PTCHD4: variants seen among roughly 807,000 people sequenced by gnomAD.
PTCHD4 encodes patched domain-containing protein 4.
PTCHD4 carries 33 observed loss-of-function variants against 58.1 expected under a neutral mutation model. That is an observed-to-expected ratio of 0.57 (90% CI 0.43 to 0.76). PTCHD4 has a LOEUF of 0.76. Ranked by LOEUF, PTCHD4 falls within the 30% of genes least tolerant of loss-of-function variation. PTCHD4 has a pLI of 0.00. For synonymous variants in PTCHD4, 478 were observed against 409.6 expected (o/e 1.17, Z -2.02); for missense variants, 1,058 against 1,027.1 (o/e 1.03, Z -0.41).
intron 1 of PTCHD4, among the ~76,000 whole-genome samples, chr6:48,105,126 C>T (rs1298939295): frequency 2.0e-5 from 3 of 152,140 alleles, no homozygotes; most frequent in Admixed American, 2.0e-4. Context: ...CAGAACTCTC[C>T]ACCCCAAATC....
chr6:48,039,086 G>C (rs116656489), intron 3 of PTCHD4, among the ~76,000 whole-genome samples: 1 of 152,088 alleles, frequency 6.6e-6, no homozygotes, highest in African/African-American at 2.4e-5. Context: ...TGCACTTGGA[G>C]ACAGGCACAA....
chr6:48,059,319 G>C (rs1321250257), intron 3 of PTCHD4, among the ~76,000 whole-genome samples: 1 of 152,120 alleles, frequency 6.6e-6, no homozygotes, highest in Non-Finnish European at 1.5e-5. Context: ...GTAAGGTAAG[G>C]GCTATTATGA....
chr6:47,957,608 T>A (rs1259612955), intron 4 of PTCHD4, among the ~76,000 whole-genome samples: 3 of 148,940 alleles, frequency 2.0e-5, no homozygotes. Context: ...TTATTTTTAT[T>A]TTTTTTTTTG....
intron 3 of PTCHD4, among the ~76,000 whole-genome samples, chr6:48,055,160 A>C (rs1303149454): frequency 1.3e-5 from 2 of 152,180 alleles, no homozygotes; most frequent in African/African-American, 2.4e-5. Flanking sequence ...AAGAAACAGG[A>C]TCCACCCAGT....
intron 4 of PTCHD4, among the ~76,000 whole-genome samples, chr6:47,895,852 G>A (rs1031297452): frequency 7.2e-5 from 11 of 151,978 alleles, no homozygotes; most frequent in Non-Finnish European, 8.8e-5. Context: ...TCTACTCCAG[G>A]TCAATCATCT....
intron 3 of PTCHD4, among the ~76,000 whole-genome samples, chr6:48,053,523 T>C (rs1764306039): frequency 6.6e-6 from 1 of 151,954 alleles, no homozygotes; most frequent in South Asian, 2.1e-4. Flanking sequence ...AAATCAAAAG[T>C]CTATAGTAAG....
intron 4 of PTCHD4, among the ~76,000 whole-genome samples, chr6:47,995,313 A>G (rs897879663): frequency 1.3e-5 from 2 of 152,180 alleles, no homozygotes; most frequent in Non-Finnish European, 2.9e-5. Context: ...CCAGGGAGCA[A>G]TGGGACAGCA....
intron 4 of PTCHD4, among the ~76,000 whole-genome samples, chr6:47,902,335 G>A (rs1468450306): frequency 1.3e-5 from 2 of 152,106 alleles, no homozygotes; most frequent in East Asian, 3.9e-4. Flanking sequence ...ACTGGGTGAA[G>A]GCATATATTC....
chr6:47,970,670 T>A (rs1370441799), intron 4 of PTCHD4, among the ~76,000 whole-genome samples: 1 of 152,234 alleles, frequency 6.6e-6, no homozygotes, highest in Non-Finnish European at 1.5e-5. Flanking sequence ...AACACAGTAC[T>A]GAAGAGTGAG....
chr6:47,941,590 G>A (rs1025744965), intron 4 of PTCHD4, among the ~76,000 whole-genome samples: 1 of 152,162 alleles, frequency 6.6e-6, no homozygotes, highest in African/African-American at 2.4e-5. Flanking sequence ...CAAAATTGAT[G>A]CCATCTAGAA....
chr6:47,884,791 A>C (rs1393833828), intron 4 of PTCHD4, among the ~76,000 whole-genome samples: 1 of 152,218 alleles, frequency 6.6e-6, no homozygotes, highest in Non-Finnish European at 1.5e-5. Flanking sequence ...GTACCATGAA[A>C]ATGCGGCTGA....
rs745418500 is a variant in PTCHD4 at position 47,878,352 on chromosome 6, A to G, written c.2483T>C (p.Ile828Thr). Residue 828 changes from isoleucine to threonine, a missense_variant, in exon 5 of 5, where the codon ATT becomes ACT. Transcript: ENST00000339488. ...KRAKRKEREEIECIEIQENPD... is the reference protein window; with the variant it reads ...KRAKRKEREETECIEIQENPD... ...GTTCTCTTGAATTTCTATGCATTCA[A>G]TTTCCTCTCTCTCCTTTCGCTTGGC... The G allele has an allele frequency of 1.1e-5, 18 of 1,610,004 alleles. No individual in the cohort carries two copies. Among genetic ancestry groups the G allele is most frequent in the Admixed American group, 3.4e-5 (2 of 59,548 alleles).
At chr6:47,884,355 C>T (rs1214088151) in intron 4 of PTCHD4, among the ~76,000 whole-genome samples, 1 of 152,136 alleles carries the variant, frequency 6.6e-6, no homozygotes, top group Admixed American at 6.5e-5. Context: ...AACCATTTTT[C>T]GAGCATCTGC....
At position 47,864,063 on chromosome 6, in the gene PTCHD4, G is replaced by A. The variant is rs1763494869; in HGVS notation, c.*14240C>T. ...AACTATTCTCAGAATGTCTGTTGCT[G>A]TTCACAAACTTAGATTTCAGAGATT... On this transcript the variant is annotated 3_prime_UTR_variant, in exon 5 of 5. Coordinates refer to ENST00000339488, the MANE Select transcript of PTCHD4 (RefSeq NM_001384253.1). Among the ~76,000 whole-genome samples, 1 of 151,944 alleles carries A rather than the reference G, an allele frequency of 6.6e-6. No homozygotes were observed. Among genetic ancestry groups the A allele is most frequent in the Non-Finnish European group, 1.5e-5 (1 of 67,920 alleles).
chr6:48,043,748 T>G (rs1008013532), intron 3 of PTCHD4, among the ~76,000 whole-genome samples: 12 of 151,916 alleles, frequency 7.9e-5, no homozygotes, highest in African/African-American at 2.6e-4. Context: ...AAAACATGCT[T>G]CCAGATGCCA....
At position 47,874,309 on chromosome 6, in the gene PTCHD4, G is replaced by A. The variant is rs182936161; in HGVS notation, c.*3994C>T. 6.6e-5 allele frequency among the ~76,000 whole-genome samples: 10 copies of A among 151,718 alleles called. No individual in the cohort carries two copies. The East Asian group carries it at 1.6e-3, about 24-fold the overall frequency. On this transcript the variant is annotated 3_prime_UTR_variant, in exon 5 of 5. Transcript: ENST00000339488. ...AGGCCCTTAAGACCAAAAGCCATGA[G>A]GCATTTATGAATAGGTGATGTAAGA...
intron 3 of PTCHD4, among the ~76,000 whole-genome samples, chr6:48,014,479 G>C (rs1438215964): frequency 6.6e-6 from 1 of 152,084 alleles, no homozygotes; most frequent in Non-Finnish European, 1.5e-5. Flanking sequence ...TGTGAGCTGA[G>C]TTGCAGTGTG....
intron 4 of PTCHD4, among the ~76,000 whole-genome samples, chr6:47,998,732 C>T (rs2114055201): frequency 6.6e-6 from 1 of 152,268 alleles, no homozygotes; most frequent in Admixed American, 6.5e-5. Context: ...GCCAAGATAG[C>T]TATCTTTTCC....
intron 1 of PTCHD4, among the ~76,000 whole-genome samples, chr6:48,100,066 G>T (rs991524698): frequency 2.0e-5 from 3 of 151,966 alleles, no homozygotes; most frequent in African/African-American, 7.3e-5. Flanking sequence ...ATAATTACTG[G>T]CACATATCTC....
Sources: gnomAD v4.1 joint callset for allele counts (sites outside exome capture counted in the v4.1 genomes callset) on GRCh38, gnomAD v4.1.1 for gene constraint, MANE v1.5 for transcripts, NCBI Gene and HGNC (gene_info 2026-07-23, HGNC 2026-07-21) for gene names.